Variants in SVEP1 observed in about 807,000 individuals in gnomAD.
SVEP1 encodes the protein sushi, von Willebrand factor type A, EGF and pentraxin domain-containing protein 1.
SVEP1 carries 164 observed loss-of-function variants against 367.3 expected under a neutral mutation model. The ratio of observed to expected loss-of-function variants is 0.45; its 90% CI spans 0.39 to 0.51. The LOEUF (loss-of-function observed/expected upper bound fraction) is 0.51, where lower values mean the gene tolerates loss of function less well. Ranked by LOEUF, SVEP1 falls within the 20% of genes least tolerant of loss-of-function variation. The pLI, the probability that SVEP1 is intolerant of heterozygous loss-of-function variation, is 0.00. For missense variants in SVEP1, 4,117 were observed against 4,425.3 expected (o/e 0.93, Z 1.98); for synonymous variants, 1,666 against 1,611.6 (o/e 1.03, Z -0.81).
chr9:110,503,631 G>A (rs1056931448), intron 5 of SVEP1, among the ~76,000 whole-genome samples: 1 of 152,204 alleles, frequency 6.6e-6, no homozygotes, highest in African/African-American at 2.4e-5. Flanking sequence ...GTTCATGATC[G>A]ACTTGGTTCT....
Position 110,407,568 on chromosome 9 carries a change from C to T in SVEP1, c.8032G>A (p.Gly2678Ser). Residue 2678 changes from glycine to serine, a missense_variant, in exon 38 of 48, where the codon GGT becomes AGT. Physicochemically the swap from Gly to Ser is moderately conservative, Grantham distance 56. This residue lies in a region of SVEP1 where 1,765 missense variants were observed against 1,781.1 expected (regional missense o/e 0.99). Transcript: ENST00000374469. ...PATHSSNFLY[G>S]TMVSYTCNPG... Reference sequence around the variant, plus strand: ...TTACAGGTGTATGAAACCATGGTACCATACAGAAAGTTTGATGAATGTGTA... The same window carrying T: ...TTACAGGTGTATGAAACCATGGTACTATACAGAAAGTTTGATGAATGTGTA... 6.2e-7 allele frequency: 1 copy of T among 1,613,942 alleles called. No homozygotes were observed. Among genetic ancestry groups the T allele is most frequent in the East Asian group, 2.2e-5 (1 of 44,870 alleles).
intron 8 of SVEP1, among the ~76,000 whole-genome samples, chr9:110,493,079 A>G (rs1829393891): frequency 1.3e-5 from 2 of 151,656 alleles, no homozygotes; most frequent in Non-Finnish European, 2.9e-5. Context: ...GTAGTACTTG[A>G]GTTGTTCTGC....
At chr9:110,368,632 CT>C (rs1827233365) in intron 47 of SVEP1, among the ~76,000 whole-genome samples, 1 of 152,136 alleles carries the variant, frequency 6.6e-6, no homozygotes. Context: ...AATATAAAAT[CT>C]AATATTATAA....
chr9:110,391,296 A>C (rs1047442109), intron 40 of SVEP1, among the ~76,000 whole-genome samples: 13 of 139,072 alleles, frequency 9.3e-5, no homozygotes, highest in Non-Finnish European at 9.2e-5. Context: ...TTTGAGACAG[A>C]GTTTTGCTCT....
chr9:110,413,309 C>T (rs1182675274), intron 36 of SVEP1, among the ~76,000 whole-genome samples: 1 of 148,620 alleles, frequency 6.7e-6, no homozygotes, highest in Non-Finnish European at 1.5e-5. Flanking sequence ...CCAAACACCG[C>T]ATATTCTCAC....
rs769747783 is a variant in SVEP1, at chr9:110,407,663, A to G, written c.7937T>C (p.Val2646Ala). ...CAAATGATAAGGAGGGTGAGGAGTC[A>G]CATATGGAACTTCCATCATGTCGTC... is the stretch of plus-strand genomic sequence containing the variant. The part of the protein sequence containing the change: ...QEDDMMEVPY[V>A]TPHPPYHLGA... The change falls in exon 38 of 48, where the codon GTG (valine) becomes GCG (alanine). Residue 2646 changes from valine to alanine, a missense_variant. By Grantham distance (64) the Val-to-Ala change is moderately conservative (BLOSUM62 0). This residue lies in a region of SVEP1 where 1,765 missense variants were observed against 1,781.1 expected (regional missense o/e 0.99). Transcript: ENST00000374469. 1 of 1,614,044 alleles carries G rather than the reference A, an allele frequency of 6.2e-7. No individual in the cohort carries two copies.
Position 110,411,378 on chromosome 9 carries a change from T to C in SVEP1, c.6333A>G (p.Lys2111=), listed in dbSNP as rs763745698. 1.5e-4 allele frequency: 237 copies of C among 1,613,914 alleles called. No individual in the cohort carries two copies. Among genetic ancestry groups the C allele is most frequent in the Non-Finnish European group, 1.9e-4 (230 of 1,179,906 alleles). Residue 2111 remains lysine, a synonymous_variant, in exon 37 of 48, where the codon AAA becomes AAG. Transcript: ENST00000374469. ...TGTTCAGTACAAAGCCTTCCATGCA[T>C]TTAAAGCTCACAACTGAGCCAGCTG... The part of the protein sequence containing the change: ...KFAAGSVVSF[K]CMEGFVLNTS...
intron 39 of SVEP1, among the ~76,000 whole-genome samples, chr9:110,404,125 C>A (rs1356167006): frequency 6.6e-6 from 1 of 152,158 alleles, no homozygotes; most frequent in African/African-American, 2.4e-5. Flanking sequence ...CTAACCCTGG[C>A]ACTTTCTTAG....
In SVEP1 at chr9:110,381,161, GATTA is replaced by G. The variant is rs528461651; in HGVS notation, c.10238-1648_10238-1645del. Among the ~76,000 whole-genome samples the G allele has an allele frequency of 3.8e-4, 57 of 151,974 alleles. 1 individual carries two copies. The highest frequency in any genetic ancestry group is 3.3e-3 in the Admixed American group (51 of 15,268). Reference sequence around the variant, plus strand: ...ACTTTTTTCAGAAAAACAGCTCCTTGATTAATTGATTGTTTTGAAGGGCTTTTTG... The same window carrying G: ...ACTTTTTTCAGAAAAACAGCTCCTTGATTGATTGTTTTGAAGGGCTTTTTG... On this transcript the variant is annotated intron_variant, in intron 43 of 47. Coordinates refer to ENST00000374469, the MANE Select transcript of SVEP1 (RefSeq NM_153366.4).
At chr9:110,517,393 T>C (rs2118785208) in intron 3 of SVEP1, among the ~76,000 whole-genome samples, 1 of 151,390 alleles carries the variant, frequency 6.6e-6, no homozygotes, top group African/African-American at 2.4e-5. Context: ...AGGTCAGGAG[T>C]TCAAGACTGC....
In SVEP1 at chr9:110,579,486, T is replaced by C; in HGVS notation, c.58A>G (p.Thr20Ala). The C allele has an allele frequency of 6.2e-7, 1 of 1,604,530 alleles. No homozygotes were observed. The highest frequency in any genetic ancestry group is 1.3e-5 in the African/African-American group (1 of 74,568). ...WGLALVSGWATFQQMSPSRNF... is the reference protein window; with the variant it reads ...WGLALVSGWAAFQQMSPSRNF... ...CGCGACGGGGACATCTGCTGAAAGGTCGCCCAGCCCGAAACGAGCGCCAGA... is the reference window on the plus strand; with the variant it reads ...CGCGACGGGGACATCTGCTGAAAGGCCGCCCAGCCCGAAACGAGCGCCAGA... Residue 20 changes from threonine to alanine, a missense_variant, in exon 1 of 48, where the codon ACC (threonine) becomes GCC (alanine). Physicochemically the swap from Thr to Ala is moderately conservative, Grantham distance 58. Around this residue, in one of 4 missense-constraint regions of SVEP1, gnomAD observed 17 missense variants for 27.5 expected, o/e 0.62. Coordinates refer to ENST00000374469, the MANE Select transcript of SVEP1 (RefSeq NM_153366.4). This position sits in a 1 kb window ranked among gnomAD's most constrained non-coding sequence, Gnocchi z 5.3.
chr9:110,452,327 GTTCTACTT>G (rs557798394), intron 22 of SVEP1, among the ~76,000 whole-genome samples: 1 of 152,088 alleles, frequency 6.6e-6, no homozygotes, highest in East Asian at 1.9e-4. Flanking sequence ...TAGAAACTTG[GTTCTACTT>G]TTCTCATAGT....
rs71373993 is a variant in SVEP1 at position 110,375,465 on chromosome 9, TAAAAAA to T, written c.10505-8_10505-3del. The T allele has an allele frequency of 9.4e-3, 5,196 of 555,468 alleles. 2 individuals carry two copies. Among genetic ancestry groups the T allele is most frequent in the Middle Eastern group, 0.015 (27 of 1,742 alleles). The allele number at this position is 555,468 out of a possible 1,614,324, so 34.4% of individuals were successfully genotyped here. A position where few individuals can be genotyped will look rare whatever the true frequency, so the allele number is the denominator to read the frequency against. On this transcript the variant is annotated splice_region_variant and splice_polypyrimidine_tract_variant and intron_variant, in intron 45 of 47. Transcript: ENST00000374469. ...TCAGACAGGGAAGAATGCAGATTGC[TAAAAAA>T]AAAAAAAAAAAAAAAAAAAGGAGGC...
In SVEP1 at chr9:110,385,953, G is replaced by A. The variant is rs565505574; in HGVS notation, c.10182C>T (p.Gly3394=). Residue 3394 remains glycine, a synonymous_variant, in exon 43 of 48, where the codon GGC becomes GGT. Transcript: ENST00000374469. ...CREGFLLQGH[G]IITCNPDETW... is the part of the protein sequence containing the mutation. ...TCTCGTCGGGGTTGCAGGTAATGAT[G>A]CCGTGGCCCTGCAGCAGAAAACCTT... 6.2e-7 allele frequency: 1 copy of A among 1,613,956 alleles called. No individual in the cohort carries two copies. The highest frequency in any genetic ancestry group is 1.1e-5 in the South Asian group (1 of 91,074).
At chr9:110,554,922 G>A (rs761715320) in intron 1 of SVEP1, among the ~76,000 whole-genome samples, 2 of 152,154 alleles carry the variant, frequency 1.3e-5, no homozygotes, top group African/African-American at 2.4e-5. Flanking sequence ...TTATGATTGA[G>A]ATGAAATGAG....
intron 30 of SVEP1, 52 bp downstream of exon 30, chr9:110,434,284 T>A: frequency 6.5e-7 from 1 of 1,539,934 alleles, no homozygotes; most frequent in Non-Finnish European, 8.8e-7. Flanking sequence ...AAGAGTTATG[T>A]TTTCAATATT....
In SVEP1 at chr9:110,462,754, T is replaced by A. The variant is rs1296389598; in HGVS notation, c.3322+3111A>T. On this transcript the variant is annotated intron_variant, in intron 18 of 47. Coordinates refer to ENST00000374469, the MANE Select transcript of SVEP1 (RefSeq NM_153366.4). ...GAGAGAGAGAGAAATAATCTAAGTA[T>A]GCCAAAATGATATTAAAATCAAATG... Among the ~76,000 whole-genome samples the A allele has an allele frequency of 2.0e-5, 3 of 151,628 alleles. No individual in the cohort carries two copies. In the East Asian group the frequency reaches 5.8e-4, roughly 29 times the overall value.
chr9:110,467,226 A>G (rs1828951992), intron 17 of SVEP1, among the ~76,000 whole-genome samples: 1 of 152,226 alleles, frequency 6.6e-6, no homozygotes, highest in African/African-American at 2.4e-5. Context: ...AATAATAGTG[A>G]AAATATTTTG....
chr9:110,382,448 G>T lies in SVEP1; in HGVS notation c.10238-2931C>A, dbSNP rs191852700. On this transcript the variant is annotated intron_variant, in intron 43 of 47. Transcript: ENST00000374469. Reference sequence around the variant, plus strand: ...CAGAGAAGTTTGCTGTTAGTCTGATGGGCTTCCCTTTGTAGGTCACCTGGA... The same window carrying T: ...CAGAGAAGTTTGCTGTTAGTCTGATTGGCTTCCCTTTGTAGGTCACCTGGA... Among the ~76,000 whole-genome samples, 204 of 152,222 alleles carry T rather than the reference G, an allele frequency of 1.3e-3. 3 individuals carry two copies. In the Middle Eastern group the frequency reaches 0.02, roughly 15 times the overall value.
Sources: gnomAD v4.1 joint callset for allele counts (sites outside exome capture counted in the v4.1 genomes callset) on GRCh38, gnomAD v4.1.1 for gene constraint, gnomAD v4.1.1 regional missense constraint, Gnocchi (gnomAD v3.1) non-coding constraint, MANE v1.5 for transcripts, NCBI Gene and HGNC (gene_info 2026-07-23, HGNC 2026-07-21) for gene names.